The following STARD13 variants were observed in gnomAD, a reference collection of about 807,000 sequenced individuals.
The protein encoded by STARD13 is stAR-related lipid transfer protein 13.
In STARD13, 62 loss-of-function variants were observed where a neutral mutation model predicts 106.4. The ratio of observed to expected loss-of-function variants is 0.58; its 90% CI spans 0.48 to 0.72. The LOEUF (loss-of-function observed/expected upper bound fraction) is 0.72. STARD13 is among the 30% of genes least tolerant of loss of function. The pLI is 0.00. For synonymous variants in STARD13, 565 were observed against 553.0 expected (o/e 1.02, Z -0.31); for missense variants, 1,387 against 1,424.0 (o/e 0.97, Z 0.42).
At chr13:33,640,834 T>A in the STARD13 span, among the ~76,000 whole-genome samples, 1 of 152,202 alleles carries the variant, frequency 6.6e-6, no homozygotes, top group Non-Finnish European at 1.5e-5. Flanking sequence ...TTTTCTTTTT[T>A]CCTCCTTTTC....
the STARD13 span, among the ~76,000 whole-genome samples, chr13:33,643,318 A>T: frequency 6.6e-6 from 1 of 152,222 alleles, no homozygotes; most frequent in African/African-American, 2.4e-5. Context: ...TTTTGCCTCC[A>T]TAAGGGAAGT....
At chr13:33,428,046 T>A in the STARD13 span, among the ~76,000 whole-genome samples, 1 of 152,104 alleles carries the variant, frequency 6.6e-6, no homozygotes, top group African/African-American at 2.4e-5. Context: ...CAACTCTGCT[T>A]TGAGAAAGGC....
chr13:33,437,197 T>C, the STARD13 span, among the ~76,000 whole-genome samples: 2 of 152,300 alleles, frequency 1.3e-5, no homozygotes, highest in South Asian at 2.1e-4. Flanking sequence ...AGACATTGTA[T>C]AGAAAAGCAC....
At chr13:33,513,051 C>T in the STARD13 span, among the ~76,000 whole-genome samples, 2 of 152,310 alleles carry the variant, frequency 1.3e-5, no homozygotes, top group South Asian at 4.1e-4. Flanking sequence ...TACAGCTGCT[C>T]TCATGCAACA....
At chr13:33,629,526 AT>A in the STARD13 span, among the ~76,000 whole-genome samples, 1 of 152,168 alleles carries the variant, frequency 6.6e-6, no homozygotes, top group Non-Finnish European at 1.5e-5. Flanking sequence ...ATTCATAAGG[AT>A]TTTTTACTGG....
At chr13:33,374,648 T>C in the STARD13 span, among the ~76,000 whole-genome samples, 1 of 152,310 alleles carries the variant, frequency 6.6e-6, no homozygotes, top group African/African-American at 2.4e-5. Flanking sequence ...ATGGAGTATA[T>C]AGTTGCTGGA....
At chr13:33,419,516 A>C in the STARD13 span, among the ~76,000 whole-genome samples, 3 of 152,332 alleles carry the variant, frequency 2.0e-5, no homozygotes, top group African/African-American at 7.2e-5. Flanking sequence ...GAATGGATCC[A>C]AGTTGGAAAA....
At chr13:33,441,169 C>G in the STARD13 span, among the ~76,000 whole-genome samples, 1 of 152,144 alleles carries the variant, frequency 6.6e-6, no homozygotes, top group African/African-American at 2.4e-5. Flanking sequence ...CCTGCTGAAG[C>G]CTACTTCCAA....
At chr13:33,242,907 T>C (rs998751314) in intron 1 of STARD13, among the ~76,000 whole-genome samples, 20 of 152,228 alleles carry the variant, frequency 1.3e-4, no homozygotes, top group South Asian at 4.1e-4. Context: ...TAGAGCTTCC[T>C]AGTAATTCCT....
At chr13:33,643,154 A>G in the STARD13 span, among the ~76,000 whole-genome samples, 9 of 114,798 alleles carry the variant, frequency 7.8e-5, no homozygotes. Context: ...CTTTACATAG[A>G]ACATGCACAC....
At position 33,168,839 on chromosome 13, in the gene STARD13, A is replaced by G. The variant is rs563419484; in HGVS notation, c.170-1217T>C. Among the ~76,000 whole-genome samples, 561 of 152,354 alleles carry G rather than the reference A, an allele frequency of 3.7e-3. 2 individuals carry two copies. Among genetic ancestry groups the G allele is most frequent in the Non-Finnish European group, 6.1e-3 (413 of 68,040 alleles). On this transcript the variant is annotated intron_variant, in intron 1 of 13. Transcript: ENST00000336934. ...TATTTGGTATATGTTAGGAAAATAG[A>G]CCAAAGGCCAGATCTTACTCAGGCA...
chr13:33,564,885 C>T, the STARD13 span, among the ~76,000 whole-genome samples: 32 of 141,950 alleles, frequency 2.3e-4, 1 homozygote, highest in African/African-American at 2.9e-4. Context: ...CCCAGCTACT[C>T]GGGAGGCTGA....
chr13:33,619,283 G>T, the STARD13 span, among the ~76,000 whole-genome samples: 1 of 152,144 alleles, frequency 6.6e-6, no homozygotes, highest in Non-Finnish European at 1.5e-5. Flanking sequence ...TTACTTGTTT[G>T]CCAGACAAAA....
At chr13:33,589,509 C>T in the STARD13 span, among the ~76,000 whole-genome samples, 1 of 152,174 alleles carries the variant, frequency 6.6e-6, no homozygotes, top group African/African-American at 2.4e-5. Flanking sequence ...TCTTTGTTCT[C>T]ATTGGTTTCG....
chr13:33,103,380 TA>T lies in STARD13; in HGVS notation c.*2212del, dbSNP rs1034825130. On this transcript the variant is annotated 3_prime_UTR_variant, in exon 14 of 14. Coordinates refer to ENST00000336934, the MANE Select transcript of STARD13 (RefSeq NM_178006.4). The stretch of plus-strand genomic sequence containing the variant: ...TCCTTTTTTTCCCTTTTCCTTGTTT[TA>T]AAAAGATGCACTGTGTTGTTATGCA... The T allele has an allele frequency of 2.0e-4, 31 of 152,794 alleles. No homozygotes were observed. The highest frequency in any genetic ancestry group is 7.2e-4 in the African/African-American group (30 of 41,586). 9.5% of individuals were successfully genotyped at this position (152,794 alleles called of 1,614,324 possible).
At chr13:33,404,222 G>A in the STARD13 span, among the ~76,000 whole-genome samples, 1 of 152,214 alleles carries the variant, frequency 6.6e-6, no homozygotes, top group Non-Finnish European at 1.5e-5. Context: ...ATCTTGATAA[G>A]AAGCAGATTC....
chr13:33,240,767 T>A (rs1889442975), intron 1 of STARD13, among the ~76,000 whole-genome samples: 1 of 152,052 alleles, frequency 6.6e-6, no homozygotes, highest in Non-Finnish European at 1.5e-5. Context: ...TATCCTTAAG[T>A]ATTTTATCCT....
Position 33,127,533 on chromosome 13 carries a change from T to C in STARD13, c.1762A>G (p.Asn588Asp), listed in dbSNP as rs1877385676. 1 of 1,546,592 alleles carries C rather than the reference T, an allele frequency of 6.5e-7. No individual in the cohort carries two copies. Among genetic ancestry groups the C allele is most frequent in the African/African-American group, 1.4e-5 (1 of 73,272 alleles). The change falls in exon 6 of 14, where the codon AAC becomes GAC. Residue 588 changes from asparagine (N) to aspartate (D), a missense_variant. Physicochemically the swap from Asn to Asp is conservative, Grantham distance 23 (BLOSUM62 1). Coordinates refer to ENST00000336934, the MANE Select transcript of STARD13 (RefSeq NM_178006.4). ...GGCTGGTGCGACAGCTGGAAACTGT[T>C]CCATCGGAGTCGCCTTTACCAGAGA... ...LTRPNRRLRW[N>D]SFQLSHQPRP...
chr13:33,635,496 A>G, the STARD13 span, among the ~76,000 whole-genome samples: 3 of 151,638 alleles, frequency 2.0e-5, no homozygotes, highest in African/African-American at 7.3e-5. Flanking sequence ...CATCTCTACT[A>G]AAAAATAGAA....
Sources: allele counts gnomAD v4.1 joint callset (sites outside exome capture counted in the v4.1 genomes callset), GRCh38; gene constraint gnomAD v4.1.1; transcripts MANE v1.5; gene names NCBI Gene and HGNC (gene_info 2026-07-23, HGNC 2026-07-21).